The following RPS6KA2 variants were observed in gnomAD, a reference collection of about 807,000 sequenced individuals.
The protein encoded by RPS6KA2 is ribosomal protein S6 kinase A2, also known as ribosomal protein S6 kinase alpha-2.
A neutral mutation model predicts 91.8 loss-of-function variants in RPS6KA2; 42 were observed. The observed-to-expected ratio is 0.46, with a 90% confidence interval of 0.36 to 0.59. The LOEUF is 0.59. Among genes scored for constraint, RPS6KA2 ranks in the 20% least tolerant of loss-of-function variants. RPS6KA2 has a pLI of 0.00. For missense variants in RPS6KA2, 798 were observed against 978.5 expected (o/e 0.82, Z 2.46); for synonymous variants, 414 against 393.6 (o/e 1.05, Z -0.61).
upstream of RPS6KA2, chr6:166,862,650 G>A (rs1781076719): frequency 1.2e-5 from 2 of 164,818 alleles, no homozygotes; most frequent in Non-Finnish European, 2.6e-5. Flanking sequence ...TGAAAGTTGA[G>A]TCTGAGGATG....
At chr6:166,619,686 T>A (rs1431151640) in intron 1 of RPS6KA2, among the ~76,000 whole-genome samples, 1 of 152,278 alleles carries the variant, frequency 6.6e-6, no homozygotes, top group Non-Finnish European at 1.5e-5. Context: ...CAAAGCCATC[T>A]TCTCTGCTCC....
chr6:166,609,654 C>T (rs1786094197), intron 1 of RPS6KA2, among the ~76,000 whole-genome samples: 1 of 152,026 alleles, frequency 6.6e-6, no homozygotes, highest in African/African-American at 2.4e-5. Flanking sequence ...CGCATGCCAC[C>T]ACTCCCAGCT....
intron 11 of RPS6KA2, among the ~76,000 whole-genome samples, chr6:166,468,649 G>A (rs569637413): frequency 1.1e-4 from 17 of 151,898 alleles, no homozygotes; most frequent in Admixed American, 3.9e-4. Flanking sequence ...GGATCATGAG[G>A]TCAGGAGATC....
intron 2 of RPS6KA2, among the ~76,000 whole-genome samples, chr6:166,723,202 C>G (rs1453236816): frequency 6.6e-6 from 1 of 152,244 alleles, no homozygotes; most frequent in Non-Finnish European, 1.5e-5. Context: ...CGTTTCCTAG[C>G]CCTGCCATCC....
intron 1 of RPS6KA2, among the ~76,000 whole-genome samples, chr6:166,578,896 C>T (rs927541404): frequency 6.6e-6 from 1 of 152,228 alleles, no homozygotes; most frequent in Non-Finnish European, 1.5e-5. Flanking sequence ...AACGTCACAG[C>T]TTAGAAACGC....
At position 166,854,088 on chromosome 6, in the gene RPS6KA2, G is replaced by A. The variant is rs143660664; in HGVS notation, c.123+4112C>T. Among the ~76,000 whole-genome samples the A allele has an allele frequency of 2.1e-3, 314 of 152,306 alleles. 2 individuals are homozygous for A. The highest frequency in any genetic ancestry group is 7.2e-3 in the African/African-American group (299 of 41,566). On this transcript the variant is annotated intron_variant, in intron 2 of 21. Coordinates refer to the RPS6KA2 transcript ENST00000503859. ...TATGAAGGATGCCTGCCTCTGATGC[G>A]TCAGATGAAATTAGACCAAGAATCC...
chr6:166,488,937 C>T lies in RPS6KA2; in HGVS notation c.819-16G>A, dbSNP rs1562529253. 6.9e-6 allele frequency: 11 copies of T among 1,603,836 alleles called. No individual in the cohort carries two copies. In the East Asian group the frequency reaches 2.5e-4, roughly 36 times the overall value. ...CAGCTTGGCTCTGAAAAACAAGATCCTATTTTAGGATCTATTTTAGGAGAA... is the reference window on the plus strand; with the variant it reads ...CAGCTTGGCTCTGAAAAACAAGATCTTATTTTAGGATCTATTTTAGGAGAA... On this transcript the variant is annotated splice_polypyrimidine_tract_variant and intron_variant, in intron 9 of 20. Transcript: ENST00000265678.
chr6:166,475,781 G>A (rs750570768), intron 10 of RPS6KA2: 2 of 533,132 alleles, frequency 3.8e-6, no homozygotes, highest in Admixed American at 3.9e-5. Context: ...GCCAGTCTTA[G>A]ACTCAGAAGC....
intron 1 of RPS6KA2, among the ~76,000 whole-genome samples, chr6:166,622,398 C>T (rs181799319): frequency 1.3e-5 from 2 of 152,062 alleles, no homozygotes; most frequent in East Asian, 3.9e-4. Flanking sequence ...TCAGTATTCA[C>T]TAATATGGAC....
At chr6:166,680,903 C>T (rs987941388) in intron 2 of RPS6KA2, among the ~76,000 whole-genome samples, 1 of 152,204 alleles carries the variant, frequency 6.6e-6, no homozygotes, top group Non-Finnish European at 1.5e-5. Flanking sequence ...GATGCAGAAT[C>T]GGAAAAGTTT....
At chr6:166,742,139 A>C (rs917290888) in intron 2 of RPS6KA2, among the ~76,000 whole-genome samples, 1 of 152,144 alleles carries the variant, frequency 6.6e-6, no homozygotes, top group South Asian at 2.1e-4. Context: ...TCTCAAAAAC[A>C]AAAAACAAAA....
At chr6:166,570,758 G>C (rs973243289) in intron 1 of RPS6KA2, among the ~76,000 whole-genome samples, 1 of 152,160 alleles carries the variant, frequency 6.6e-6, no homozygotes, top group African/African-American at 2.4e-5. Context: ...ATATTTAATA[G>C]TGAATATTAA....
At chr6:166,802,603 C>A (rs1779395562) in intron 2 of RPS6KA2, among the ~76,000 whole-genome samples, 1 of 152,198 alleles carries the variant, frequency 6.6e-6, no homozygotes, top group Admixed American at 6.5e-5. Context: ...GAGGGGAAGA[C>A]TCTCTGAAGA....
rs916370104 is a variant in RPS6KA2, at chr6:166,858,080, A to G, written c.123+120T>C. ...TGTGCATGTGTATGTATAGAGACAC[A>G]TATGTCACTAAAATAACTGCTCACA... is the stretch of plus-strand genomic sequence containing the variant. On this transcript the variant is annotated intron_variant, in intron 2 of 21. Coordinates refer to the RPS6KA2 transcript ENST00000503859. The G allele has an allele frequency of 8.1e-6, 6 of 744,368 alleles. No homozygotes were observed. The African/African-American group carries it at 1.0e-4, about 13-fold the overall frequency. The allele number at this position is 744,368 out of a possible 1,614,324, so 46.1% of individuals were successfully genotyped here.
At chr6:166,721,483 A>T (rs1486105669) in intron 2 of RPS6KA2, among the ~76,000 whole-genome samples, 1 of 152,250 alleles carries the variant, frequency 6.6e-6, no homozygotes, top group Non-Finnish European at 1.5e-5. Context: ...GGTGCCTAGT[A>T]AAAGAATTTT....
chr6:166,752,774 T>G (rs1444559766), intron 2 of RPS6KA2, among the ~76,000 whole-genome samples: 1 of 152,204 alleles, frequency 6.6e-6, no homozygotes, highest in African/African-American at 2.4e-5. Flanking sequence ...CCTCTCCCCC[T>G]GACTCTCCCC....
chr6:166,492,072 GC>G (rs1406939765), intron 8 of RPS6KA2, among the ~76,000 whole-genome samples: 1 of 152,126 alleles, frequency 6.6e-6, no homozygotes, highest in Non-Finnish European at 1.5e-5. Flanking sequence ...ATGATAGGCT[GC>G]TAGGAGTGAA....
chr6:166,473,819 C>A (rs1024892047), intron 10 of RPS6KA2, among the ~76,000 whole-genome samples: 2 of 152,198 alleles, frequency 1.3e-5, no homozygotes, highest in Non-Finnish European at 2.9e-5. Flanking sequence ...CTTCTCCTAA[C>A]CAGCCCACCA....
rs1562363375 is a variant in RPS6KA2 at position 166,648,204 on chromosome 6, ACT to A, written c.124-109422_124-109421del. On this transcript the variant is annotated intron_variant, in intron 2 of 21. Coordinates refer to the RPS6KA2 transcript ENST00000503859. The surrounding 1 kb of genome is among the most constrained non-coding windows in gnomAD (Gnocchi z 4.8). ...CACATGCACACATGCTCATACACAC[ACT>A]CATGCACACACACGCACATGCGCAC... Among the ~76,000 whole-genome samples the A allele has an allele frequency of 1.0e-5, 1 of 100,192 alleles. No individual in the cohort carries two copies. The highest frequency in any genetic ancestry group is 2.0e-5 in the Non-Finnish European group (1 of 50,954). The allele number at this position is 100,192 out of a possible 152,430, so 65.7% of individuals were successfully genotyped here. A position where few individuals can be genotyped will look rare whatever the true frequency, so the allele number is the denominator to read the frequency against.
Sources: allele counts gnomAD v4.1 joint callset (sites outside exome capture counted in the v4.1 genomes callset), GRCh38; gene constraint gnomAD v4.1.1; non-coding constraint Gnocchi (gnomAD v3.1); transcripts MANE v1.5; gene names NCBI Gene and HGNC (gene_info 2026-07-23, HGNC 2026-07-21).